The following TBC1D8 variants were observed in gnomAD, a reference collection of about 807,000 sequenced individuals.
TBC1D8 encodes the protein BUB2-like protein 1.
TBC1D8 carries 65 observed loss-of-function variants against 118.8 expected under a neutral mutation model. The observed-to-expected ratio is 0.55, with a 90% CI of 0.45 to 0.67. The LOEUF is 0.67. TBC1D8 is among the 30% of genes least tolerant of loss of function. The pLI, the probability that TBC1D8 is intolerant of heterozygous loss-of-function variation, is 0.00. For missense variants in TBC1D8, 1,376 were observed against 1,471.2 expected, an observed-to-expected ratio of 0.94 and a Z score of 1.06; for synonymous variants, 566 against 595.8, an observed-to-expected ratio of 0.95 and a Z score of 0.73.
chr2:101,031,064 C>T (rs1361111494), intron 11 of TBC1D8, among the ~76,000 whole-genome samples: 1 of 152,232 alleles, frequency 6.6e-6, no homozygotes, highest in African/African-American at 2.4e-5. Context: ...TCCACACAGG[C>T]ACGGGCACTC....
intron 1 of TBC1D8, among the ~76,000 whole-genome samples, chr2:101,131,949 T>C (rs1376634018): frequency 6.6e-6 from 1 of 152,238 alleles, no homozygotes; most frequent in Non-Finnish European, 1.5e-5. Flanking sequence ...AAAATTGTTA[T>C]AGGTATATTT....
chr2:101,048,484 C>T (rs572791745), intron 5 of TBC1D8, among the ~76,000 whole-genome samples: 10 of 152,244 alleles, frequency 6.6e-5, no homozygotes, highest in Non-Finnish European at 1.5e-4. Flanking sequence ...TCAGAGGTGG[C>T]ACAAGACCAT....
chr2:101,113,129 CT>C (rs1437032609), intron 1 of TBC1D8, among the ~76,000 whole-genome samples: 1 of 152,168 alleles, frequency 6.6e-6, no homozygotes, highest in Non-Finnish European at 1.5e-5. Flanking sequence ...TAAAGAATAT[CT>C]TTCCCAAAAA....
chr2:101,030,384 C>T (rs1433054375), intron 11 of TBC1D8, among the ~76,000 whole-genome samples: 1 of 152,110 alleles, frequency 6.6e-6, no homozygotes, highest in Non-Finnish European at 1.5e-5. Flanking sequence ...CTCAGAAGAG[C>T]CAATAAACAA....
intron 3 of TBC1D8, among the ~76,000 whole-genome samples, chr2:101,056,584 T>A (rs1265306240): frequency 7.2e-5 from 11 of 152,232 alleles, no homozygotes; most frequent in Admixed American, 7.2e-4. Context: ...TTTCCCACAT[T>A]TCATTTAACA....
intron 6 of TBC1D8, 102 bp downstream of exon 6, chr2:101,040,076 T>C: frequency 7.4e-7 from 1 of 1,349,184 alleles, no homozygotes; most frequent in Non-Finnish European, 1.0e-6. Context: ...GGCAAAACTG[T>C]GCCGTCTGAA....
intron 2 of TBC1D8, among the ~76,000 whole-genome samples, chr2:101,071,370 T>C (rs7600427): frequency 0.01 from 983 of 95,336 alleles, 6 homozygotes; most frequent in South Asian, 0.016. Flanking sequence ...AACAAACAAA[T>C]AAATAAATAA....
intron 10 of TBC1D8, chr2:101,033,289 G>T (rs1285373461): frequency 7.7e-6 from 4 of 516,524 alleles, no homozygotes. Context: ...GCTAATTTTT[G>T]TATTTTTAGT....
At chr2:101,128,786 G>A (rs1216170096) in intron 1 of TBC1D8, among the ~76,000 whole-genome samples, 2 of 152,186 alleles carry the variant, frequency 1.3e-5, no homozygotes, top group Non-Finnish European at 2.9e-5. Context: ...TGAGAATCTT[G>A]AGAACCTTGA....
chr2:101,035,618 T>C (rs1183868773), intron 9 of TBC1D8, among the ~76,000 whole-genome samples: 2 of 152,220 alleles, frequency 1.3e-5, no homozygotes, highest in Non-Finnish European at 2.9e-5. Flanking sequence ...CTCTGAGGGA[T>C]GTGTTTCAGC....
In TBC1D8 at chr2:101,077,109, C is replaced by T. The variant is rs1447296156; in HGVS notation, c.283+13100G>A. Among the ~76,000 whole-genome samples the T allele has an allele frequency of 5.3e-5, 8 of 152,260 alleles. No homozygotes were observed. In the East Asian group the frequency reaches 7.7e-4, roughly 15 times the overall value. ...CATGATCTTGGCTCACTGCAACCTC[C>T]GCCTCCCGGGTTCACGCCATTCTCC... On this transcript the variant is annotated intron_variant, in intron 2 of 19. Transcript: ENST00000409318.
Position 101,054,163 on chromosome 2 carries a change from C to A in TBC1D8, c.576G>T (p.Trp192Cys). Reference protein sequence around the residue: ...CWKGRVPRQGWLYLSINHLCF... With the variant: ...CWKGRVPRQGCLYLSINHLCF... Reference sequence around the variant, plus strand: ...AGAGGTGGTTGATGCTGAGGTACAGCCAGCCCTGGCGGGGCACCCTGCCCT... The same window carrying A: ...AGAGGTGGTTGATGCTGAGGTACAGACAGCCCTGGCGGGGCACCCTGCCCT... The change falls in exon 4 of 20, where the codon TGG becomes TGT. Residue 192 changes from tryptophan (W) to cysteine (C), a missense_variant. Transcript: ENST00000409318. The A allele has an allele frequency of 6.2e-7, 1 of 1,613,648 alleles. No individual in the cohort carries two copies. Among genetic ancestry groups the A allele is most frequent in the Non-Finnish European group, 8.5e-7 (1 of 1,179,780 alleles).
intron 1 of TBC1D8, among the ~76,000 whole-genome samples, chr2:101,094,397 A>G (rs1676257895): frequency 6.6e-6 from 1 of 152,216 alleles, no homozygotes; most frequent in Non-Finnish European, 1.5e-5. Context: ...CCTGTCAAGG[A>G]CTGGGACAGC....
intron 15 of TBC1D8, among the ~76,000 whole-genome samples, chr2:101,026,947 A>C (rs1680372880): frequency 6.6e-6 from 1 of 152,254 alleles, no homozygotes; most frequent in African/African-American, 2.4e-5. Context: ...CATATCTGCC[A>C]CACAAATAGG....
intron 1 of TBC1D8, among the ~76,000 whole-genome samples, chr2:101,139,200 A>G (rs898257555): frequency 2.6e-5 from 4 of 151,944 alleles, no homozygotes; most frequent in African/African-American, 4.8e-5. Context: ...CGACCTATTC[A>G]AATCTTTCCC....
At chr2:101,089,527 G>A (rs2165428) in intron 2 of TBC1D8, among the ~76,000 whole-genome samples, 22,953 of 152,080 alleles carry the variant, frequency 0.15, 1,908 homozygotes, top group East Asian at 0.25. Context: ...CAGAGCACCA[G>A]GTAATGCCTG....
chr2:101,105,745 A>G (rs371952656), intron 1 of TBC1D8, among the ~76,000 whole-genome samples: 32 of 152,292 alleles, frequency 2.1e-4, no homozygotes, highest in East Asian at 1.2e-3. Flanking sequence ...GTGTAGCAGC[A>G]GGGACTCATT....
intron 1 of TBC1D8, among the ~76,000 whole-genome samples, chr2:101,112,996 G>C (rs376375976): frequency 6.6e-6 from 1 of 152,122 alleles, no homozygotes; most frequent in Non-Finnish European, 1.5e-5. Flanking sequence ...TCTGATACCC[G>C]TGCAGGCTGT....
At chr2:101,021,597 A>T in intron 17 of TBC1D8, 84 bp downstream of exon 17, 1 of 971,092 alleles carries the variant, frequency 1.0e-6, no homozygotes. Flanking sequence ...AACTTTAAAA[A>T]GAGAAGAGCT....
Sources: gnomAD v4.1 joint callset for allele counts (sites outside exome capture counted in the v4.1 genomes callset) on GRCh38, gnomAD v4.1.1 for gene constraint, MANE v1.5 for transcripts, NCBI Gene and HGNC (gene_info 2026-07-23, HGNC 2026-07-21) for gene names.